The following C1orf105 variants were observed in gnomAD, a reference collection of about 807,000 sequenced individuals.
C1orf105 encodes uncharacterized protein C1orf105.
A neutral mutation model predicts 20.8 loss-of-function variants in C1orf105; 17 were observed. That is an observed-to-expected ratio of 0.82 (90% CI 0.56 to 1.23). The LOEUF (loss-of-function observed/expected upper bound fraction) is 1.23. Among genes scored for constraint, C1orf105 ranks in the 50% most tolerant of loss-of-function variants. The pLI, the probability that C1orf105 is intolerant of heterozygous loss-of-function variation, is 0.00. For synonymous variants in C1orf105, 72 were observed against 72.1 expected, an observed-to-expected ratio of 1.00 and a Z score of 0.01; for missense variants, 219 against 213.5, an observed-to-expected ratio of 1.03 and a Z score of -0.16.
chr1:172,428,708 A>G lies in C1orf105; in HGVS notation c.21+7802A>G, dbSNP rs532986083. The G allele has an allele frequency of 4.4e-5, 28 of 634,368 alleles. 1 individual carries two copies. In the South Asian group the frequency reaches 5.0e-4, roughly 11 times the overall value. 39.3% of individuals were successfully genotyped at this position (634,368 alleles called of 1,614,324 possible). A position where few individuals can be genotyped will look rare whatever the true frequency, so the allele number is the denominator to read the frequency against. On this transcript the variant is annotated intron_variant, in intron 1 of 6. Transcript: ENST00000367727. ...TTTTCTTTTTTCCATAGCACTTACTACCTTCCATTTATGTTTATTATCTAT... is the reference window on the plus strand; with the variant it reads ...TTTTCTTTTTTCCATAGCACTTACTGCCTTCCATTTATGTTTATTATCTAT...
intron 1 of C1orf105, among the ~76,000 whole-genome samples, chr1:172,434,074 C>T (rs2071958746): frequency 6.6e-6 from 1 of 152,140 alleles, no homozygotes; most frequent in East Asian, 1.9e-4. Context: ...TATATATGCA[C>T]CCAATAAAGG....
chr1:172,424,342 T>A (rs898722743), intron 1 of C1orf105, among the ~76,000 whole-genome samples: 1 of 152,232 alleles, frequency 6.6e-6, no homozygotes, highest in African/African-American at 2.4e-5. Flanking sequence ...CCACATAACA[T>A]TATCAAAAAA....
chr1:172,442,511 G>T, intron 1 of C1orf105: 1 of 1,614,136 alleles, frequency 6.2e-7, no homozygotes, highest in Non-Finnish European at 8.5e-7. Context: ...ATGTTTTTCC[G>T]GAGCTCTTCC....
At chr1:172,422,338 T>C (rs1437048919) in intron 1 of C1orf105, among the ~76,000 whole-genome samples, 1 of 152,166 alleles carries the variant, frequency 6.6e-6, no homozygotes, top group Non-Finnish European at 1.5e-5. Flanking sequence ...GAGGCACTCA[T>C]TGCAGGCCCT....
At chr1:172,465,075 C>T (rs1211130258) in intron 5 of C1orf105, among the ~76,000 whole-genome samples, 1 of 151,916 alleles carries the variant, frequency 6.6e-6, no homozygotes, top group African/African-American at 2.4e-5. Flanking sequence ...CCCAACTACT[C>T]AGGAGGCTGA....
At chr1:172,431,036 T>C in intron 1 of C1orf105, 1 of 632,706 alleles carries the variant, frequency 1.6e-6, no homozygotes, top group Non-Finnish European at 2.8e-6. Context: ...CTTCCCTGTC[T>C]TTCTTCCTCT....
chr1:172,450,399 T>C (rs865805890), intron 3 of C1orf105, among the ~76,000 whole-genome samples: 10 of 152,226 alleles, frequency 6.6e-5, no homozygotes, highest in African/African-American at 1.9e-4. Context: ...GTCCTCAAAT[T>C]TGAATCTGGC....
intron 3 of C1orf105, 91 bp from the exon 4 acceptor site, chr1:172,456,324 C>T (rs1006526203): frequency 2.8e-6 from 3 of 1,081,826 alleles, no homozygotes; most frequent in Admixed American, 3.6e-5. Context: ...AAAACTGTTA[C>T]CTCTCTCACC....
Position 172,468,439 on chromosome 1 carries a change from T to G in C1orf105, c.407-10T>G. On this transcript the variant is annotated splice_polypyrimidine_tract_variant and intron_variant, in intron 6 of 6. Transcript: ENST00000367727. ...CCTTATCCTTCTTTCCTTCTTGTAC[T>G]GTCATCCAGAAAGCATTCACTACAG... 1 of 1,606,942 alleles carries G rather than the reference T, an allele frequency of 6.2e-7. No homozygotes were observed. Among genetic ancestry groups the G allele is most frequent in the East Asian group, 2.2e-5 (1 of 44,848 alleles).
At chr1:172,462,342 G>A (rs1254010373) in intron 5 of C1orf105, 97 bp downstream of exon 5, 1 of 859,276 alleles carries the variant, frequency 1.2e-6, no homozygotes. Flanking sequence ...GAATGTTTAA[G>A]GAATGCTTAG....
At chr1:172,432,207 G>T (rs368016732) in intron 1 of C1orf105, among the ~76,000 whole-genome samples, 1 of 152,172 alleles carries the variant, frequency 6.6e-6, no homozygotes, top group East Asian at 1.9e-4. Flanking sequence ...AAACTTAAAC[G>T]TCCCTGTGTG....
intron 5 of C1orf105, 87 bp downstream of exon 5, chr1:172,462,332 G>A: frequency 5.1e-6 from 5 of 981,312 alleles, no homozygotes; most frequent in Non-Finnish European, 7.5e-6. Context: ...CTAGTAAGAG[G>A]AATGTTTAAG....
intron 1 of C1orf105, among the ~76,000 whole-genome samples, chr1:172,429,820 A>C (rs561995400): frequency 9.3e-4 from 141 of 152,350 alleles, no homozygotes; most frequent in Non-Finnish European, 1.4e-3. Context: ...ATCACGCCAC[A>C]AAATAAAGTG....
Position 172,429,294 on chromosome 1 carries a change from G to A in C1orf105, c.21+8388G>A, listed in dbSNP as rs1016287117. On this transcript the variant is annotated intron_variant, in intron 1 of 6. Coordinates refer to ENST00000367727, the MANE Select transcript of C1orf105 (RefSeq NM_139240.4). ...CATACACACACAACGTGCATAGCAC[G>A]TTACCTAGCACGCATTGGGTGCTCT... Among the ~76,000 whole-genome samples, 5 of 152,070 alleles carry A rather than the reference G, an allele frequency of 3.3e-5. No individual in the cohort carries two copies. The East Asian group carries it at 5.8e-4, about 18-fold the overall frequency.
At chr1:172,442,590 C>T (rs775021932) in intron 1 of C1orf105, 1 of 1,613,896 alleles carries the variant, frequency 6.2e-7, no homozygotes, top group South Asian at 1.1e-5. Context: ...GCCACTTGAC[C>T]TCCTTGGTGT....
At chr1:172,433,364 T>C (rs185846067) in intron 1 of C1orf105, among the ~76,000 whole-genome samples, 2 of 152,252 alleles carry the variant, frequency 1.3e-5, no homozygotes, top group East Asian at 1.9e-4. Context: ...AAAGGTCAGG[T>C]TACCCACAAA....
chr1:172,461,245 A>C (rs555052666), intron 4 of C1orf105, among the ~76,000 whole-genome samples: 1 of 152,296 alleles, frequency 6.6e-6, no homozygotes, highest in African/African-American at 2.4e-5. Context: ...AACATAGTAC[A>C]TTCTTGGCAT....
At chr1:172,466,139 G>A (rs764905071) in intron 6 of C1orf105, among the ~76,000 whole-genome samples, 6 of 152,154 alleles carry the variant, frequency 3.9e-5, no homozygotes, top group Non-Finnish European at 8.8e-5. Flanking sequence ...GGTTGCAGGG[G>A]AACTAGAGCC....
chr1:172,435,701 T>C (rs189012373), intron 1 of C1orf105, among the ~76,000 whole-genome samples: 88 of 152,272 alleles, frequency 5.8e-4, no homozygotes, highest in Non-Finnish European at 1.1e-3. Context: ...AAGCATGCCC[T>C]CTCTCATCAC....
Sources: allele counts gnomAD v4.1 joint callset (sites outside exome capture counted in the v4.1 genomes callset), GRCh38; gene constraint gnomAD v4.1.1; transcripts MANE v1.5; gene names NCBI Gene and HGNC (gene_info 2026-07-23, HGNC 2026-07-21).